Variants in KMO observed in about 807,000 individuals in gnomAD.
KMO encodes the protein kynurenine 3-monooxygenase, also known as kynurenine 3-hydroxylase.
KMO carries 24 observed loss-of-function variants against 57.8 expected under a neutral mutation model. The observed-to-expected ratio is 0.42, with a 90% CI of 0.30 to 0.58. KMO has a LOEUF of 0.58. Ranked by LOEUF, KMO falls within the 20% of genes least tolerant of loss-of-function variation. The pLI is 0.22. For synonymous variants in KMO, 210 were observed against 193.6 expected (o/e 1.08, Z -0.70); for missense variants, 483 against 588.2 (o/e 0.82, Z 1.85).
intron 10 of KMO, among the ~76,000 whole-genome samples, chr1:241,568,922 A>C (rs1482277932): frequency 6.6e-6 from 1 of 152,166 alleles, no homozygotes; most frequent in African/African-American, 2.4e-5. Flanking sequence ...TGTGGATACA[A>C]AAATCCATGG....
chr1:241,582,672 A>G (rs1016944329), intron 10 of KMO, among the ~76,000 whole-genome samples: 1 of 152,132 alleles, frequency 6.6e-6, no homozygotes, highest in Admixed American at 6.5e-5. Flanking sequence ...CCTTCTCTGT[A>G]TTATCTTGAT....
At chr1:241,560,074 A>G (rs1661780836) in intron 5 of KMO, among the ~76,000 whole-genome samples, 1 of 152,230 alleles carries the variant, frequency 6.6e-6, no homozygotes, top group African/African-American at 2.4e-5. Flanking sequence ...AATTCACTCA[A>G]TTCTCTAGAG....
At chr1:241,548,729 G>A (rs1661250421) in intron 1 of KMO, 100 bp from the exon 2 acceptor site, 5 of 668,922 alleles carry the variant, frequency 7.5e-6, no homozygotes, top group African/African-American at 5.5e-5. Context: ...CACAATGTGA[G>A]GCTAGTAAAA....
In KMO at chr1:241,592,024, C is replaced by T. The variant is rs775982808; in HGVS notation, c.1332C>T (p.Tyr444=). 3.1e-6 allele frequency: 5 copies of T among 1,613,844 alleles called. No homozygotes were observed. In the Admixed American group the frequency reaches 6.7e-5, roughly 22 times the overall value. Residue 444 remains tyrosine, a synonymous_variant, in exon 15 of 15, where the codon TAC becomes TAT. Coordinates refer to ENST00000366559, the MANE Select transcript of KMO (RefSeq NM_003679.5). ...GCAGTACCTACCTACTTATACACTA[C>T]ATGTCACCACGATCTTTCCTCCGCT... ...AISSTYLLIH[Y]MSPRSFLRLR... is the part of the protein sequence containing the mutation.
intron 9 of KMO, among the ~76,000 whole-genome samples, chr1:241,567,744 T>A (rs1662137427): frequency 6.6e-6 from 1 of 152,216 alleles, no homozygotes; most frequent in African/African-American, 2.4e-5. Flanking sequence ...ACTAATTTAG[T>A]CTCTATGGAT....
chr1:241,533,254 C>A (rs1660637572), intron 1 of KMO, among the ~76,000 whole-genome samples: 1 of 152,156 alleles, frequency 6.6e-6, no homozygotes, highest in African/African-American at 2.4e-5. Context: ...TACAAACATC[C>A]CAGTTAGTCA....
intron 1 of KMO, chr1:241,536,345 G>A (rs1660750258): frequency 5.8e-6 from 1 of 172,036 alleles, no homozygotes; most frequent in Admixed American, 6.5e-5. Flanking sequence ...AAGTGAGAGA[G>A]AAGTAGACAA....
Position 241,586,682 on chromosome 1 carries a change from T to G in KMO, c.961T>G (p.Phe321Val). The change falls in exon 11 of 15, where the codon TTT becomes GTT. Residue 321 changes from phenylalanine (F) to valine (V), a missense_variant. This residue lies in a region of KMO where 410 missense variants were observed against 492.3 expected (regional missense o/e 0.83). Transcript: ENST00000366559. ...CTCTTTTTTTTTCTTGTTTCAGGGCTTTGAAGACTGCTTGGTATTTGATGA... is the reference window on the plus strand; with the variant it reads ...CTCTTTTTTTTTCTTGTTTCAGGGCGTTGAAGACTGCTTGGTATTTGATGA... The part of the protein sequence containing the change: ...PFFGQGMNAG[F>V]EDCLVFDELM... 1.3e-6 allele frequency: 2 copies of G among 1,596,980 alleles called. No individual in the cohort carries two copies. Among genetic ancestry groups the G allele is most frequent in the African/African-American group, 2.7e-5 (2 of 74,094 alleles).
intron 5 of KMO, chr1:241,555,876 A>G (rs978399654): frequency 2.6e-6 from 1 of 381,660 alleles, no homozygotes; most frequent in Non-Finnish European, 4.7e-6. Context: ...GCTTGAGTCC[A>G]GGAATTTGAG....
chr1:241,562,914 GGAAA>G lies in KMO; in HGVS notation c.615+586_615+589del, dbSNP rs1272368066. Among the ~76,000 whole-genome samples the G allele has an allele frequency of 9.8e-3, 269 of 27,530 alleles. 1 individual carries two copies. The highest frequency in any genetic ancestry group is 0.02 in the South Asian group (16 of 810). 18.1% of individuals were successfully genotyped at this position (27,530 alleles called of 152,430 possible). A position where few individuals can be genotyped will look rare whatever the true frequency, so the allele number is the denominator to read the frequency against. On this transcript the variant is annotated intron_variant, in intron 7 of 14. Coordinates refer to ENST00000366559, the MANE Select transcript of KMO (RefSeq NM_003679.5). Reference sequence around the variant, plus strand: ...AGGAAGGAAGGAAGGAAGGAAGGAAGGAAAGAAGGAAGGAAGGAAGGAAGGAGAC... The same window carrying G: ...AGGAAGGAAGGAAGGAAGGAAGGAAGGAAGGAAGGAAGGAAGGAAGGAGAC...
chr1:241,558,538 T>C (rs74710952), intron 5 of KMO, among the ~76,000 whole-genome samples: 5,849 of 152,332 alleles, frequency 0.038, 141 homozygotes, highest in South Asian at 0.074. Flanking sequence ...ACGGTTCATC[T>C]GCTATTCTGT....
rs376508772 is a variant in KMO at position 241,594,438 on chromosome 1, C to T, written c.*2285C>T. 2.1e-5 allele frequency: 34 copies of T among 1,612,008 alleles called. No individual in the cohort carries two copies. The highest frequency in any genetic ancestry group is 2.6e-5 in the Non-Finnish European group (31 of 1,178,358). ...TGCCATTCTTCATTCCTACAAAGGA[C>T]GAACTTGGATTACATCAACTTTGGA... On this transcript the variant is annotated 3_prime_UTR_variant, in exon 15 of 15. Transcript: ENST00000366559.
chr1:241,586,610 A>G (rs1662999173), intron 10 of KMO, 69 bp from the exon 11 acceptor site: 1 of 1,049,946 alleles, frequency 9.5e-7, no homozygotes, highest in Non-Finnish European at 1.4e-6. Context: ...TATCTATTCA[A>G]AATCAATAAT....
At chr1:241,580,439 G>A (rs1327127957) in intron 10 of KMO, among the ~76,000 whole-genome samples, 2 of 152,034 alleles carry the variant, frequency 1.3e-5, no homozygotes, top group Non-Finnish European at 2.9e-5. Flanking sequence ...TTGTTAGGTT[G>A]TTTATTTGAA....
chr1:241,570,659 C>T (rs1035918846), intron 10 of KMO, among the ~76,000 whole-genome samples: 30 of 152,056 alleles, frequency 2.0e-4, no homozygotes, highest in African/African-American at 5.1e-4. Context: ...TCTCTATGCC[C>T]GTACCATGAT....
intron 2 of KMO, among the ~76,000 whole-genome samples, chr1:241,549,198 AAAGG>A (rs200533831): frequency 1.9e-4 from 23 of 119,490 alleles, no homozygotes; most frequent in African/African-American, 6.5e-4. Context: ...GAGAGAAAGA[AAAGG>A]AAGAAAGAAA....
chr1:241,564,338 T>C (rs1283818509), intron 7 of KMO, among the ~76,000 whole-genome samples: 2 of 152,178 alleles, frequency 1.3e-5, no homozygotes, highest in African/African-American at 2.4e-5. Context: ...TTTGGGTCAA[T>C]TGATCTACCC....
At chr1:241,569,729 C>G (rs1367030453) in intron 10 of KMO, among the ~76,000 whole-genome samples, 3 of 152,072 alleles carry the variant, frequency 2.0e-5, no homozygotes, top group African/African-American at 7.2e-5. Context: ...GTTGAGGAAC[C>G]TCCATGCTGT....
chr1:241,568,760 C>CA (rs1662172268), intron 10 of KMO, 113 bp downstream of exon 10: 2 of 1,011,336 alleles, frequency 2.0e-6, no homozygotes, highest in Non-Finnish European at 2.9e-6. Flanking sequence ...CCTGAAAGCA[C>CA]AATCAATTCA....
Sources: allele counts gnomAD v4.1 joint callset (sites outside exome capture counted in the v4.1 genomes callset), GRCh38; gene constraint gnomAD v4.1.1; regional missense constraint gnomAD v4.1.1; transcripts MANE v1.5; gene names NCBI Gene and HGNC (gene_info 2026-07-23, HGNC 2026-07-21).